Variants in HDAC4 observed in about 807,000 individuals in gnomAD.
HDAC4 encodes histone deacetylase 4.
HDAC4 carries 16 observed loss-of-function variants against 135.1 expected under a neutral mutation model. That is an observed-to-expected ratio of 0.12 (90% CI 0.08 to 0.18). The LOEUF (loss-of-function observed/expected upper bound fraction) is 0.18. Among genes scored for constraint, HDAC4 ranks in the 10% least tolerant of loss-of-function variants. The probability of loss-of-function intolerance (pLI) is 1.00; values close to 1 mark genes in which losing one functional copy is unlikely to be tolerated. For missense variants in HDAC4, 1,143 were observed against 1,511.8 expected (o/e 0.76, Z 4.05); for synonymous variants, 685 against 653.4 (o/e 1.05, Z -0.74).
At chr2:239,358,649 T>C (rs1693671285) in intron 1 of HDAC4, among the ~76,000 whole-genome samples, 1 of 152,234 alleles carries the variant, frequency 6.6e-6, no homozygotes, top group South Asian at 2.1e-4. Flanking sequence ...TACACTTGAA[T>C]AATCATGAGT....
chr2:239,096,208 CTCAGGGAA>C (rs1466063242), intron 16 of HDAC4, among the ~76,000 whole-genome samples: 2 of 152,102 alleles, frequency 1.3e-5, no homozygotes, highest in Non-Finnish European at 2.9e-5. Context: ...GGAACCCTTC[CTCAGGGAA>C]CAGCGTGCCT....
intron 4 of HDAC4, among the ~76,000 whole-genome samples, chr2:239,180,085 C>CT (rs1244778071): frequency 6.6e-6 from 1 of 152,188 alleles, no homozygotes; most frequent in African/African-American, 2.4e-5. Context: ...TCTCCTGCAT[C>CT]TTGCTGGGTC....
intron 14 of HDAC4, among the ~76,000 whole-genome samples, chr2:239,109,223 C>T (rs889730224): frequency 2.0e-5 from 3 of 152,238 alleles, no homozygotes; most frequent in Non-Finnish European, 4.4e-5. Context: ...GGTGAACAGA[C>T]GCCTTCCGCA....
intron 24 of HDAC4, among the ~76,000 whole-genome samples, chr2:239,061,607 G>A (rs1574863839): frequency 6.6e-6 from 1 of 152,198 alleles, no homozygotes; most frequent in East Asian, 1.9e-4. Context: ...GTACAAGAGG[G>A]TGGCCATGTG....
chr2:239,122,963 C>T (rs530998138), intron 12 of HDAC4, among the ~76,000 whole-genome samples: 46 of 152,104 alleles, frequency 3.0e-4, no homozygotes, highest in African/African-American at 1.0e-3. Context: ...GAGGAAGGGC[C>T]GGGACGTCAG....
rs184968755 is a variant in HDAC4 at position 239,051,907 on chromosome 2, A to G, written c.*1190T>C. The G allele has an allele frequency of 2.6e-5, 4 of 151,588 alleles. 1 individual carries two copies. The East Asian group carries it at 7.7e-4, about 29-fold the overall frequency. 9.4% of individuals were successfully genotyped at this position (151,588 alleles called of 1,614,324 possible). A position where few individuals can be genotyped will look rare whatever the true frequency, so the allele number is the denominator to read the frequency against. ...TATAAATATTTTATCAAGATTTCAT[A>G]AGAATCAAGTAAGTTTCTTAGCTTG... On this transcript the variant is annotated 3_prime_UTR_variant, in exon 27 of 27. Coordinates refer to ENST00000543185, the MANE Select transcript of HDAC4 (RefSeq NM_001378414.1).
intron 13 of HDAC4, among the ~76,000 whole-genome samples, chr2:239,112,189 T>C (rs989287373): frequency 6.6e-6 from 1 of 152,148 alleles, no homozygotes; most frequent in African/African-American, 2.4e-5. Flanking sequence ...CACTGGGGGA[T>C]ATGCGAAGGC....
chr2:239,276,658 GACACTGCCTGCTGCCGGA>G (rs1161503844), intron 2 of HDAC4, among the ~76,000 whole-genome samples: 2 of 151,976 alleles, frequency 1.3e-5, no homozygotes, highest in African/African-American at 4.8e-5. Flanking sequence ...CCGCTGCCTG[GACACTGCCTGCTGCCGGA>G]ACACTGCCTG....
chr2:239,242,064 AAAAG>A (rs903017567), intron 2 of HDAC4, among the ~76,000 whole-genome samples: 3 of 150,172 alleles, frequency 2.0e-5, no homozygotes, highest in Non-Finnish European at 4.4e-5. Flanking sequence ...AGAAAAGAGA[AAAAG>A]AAAGAAAGAG....
At position 239,169,990 on chromosome 2, in the gene HDAC4, C is replaced by A. The variant is rs528905636; in HGVS notation, c.491-6067G>T. 3.3e-5 allele frequency among the ~76,000 whole-genome samples: 5 copies of A among 152,314 alleles called. No individual in the cohort carries two copies. The East Asian group carries it at 5.8e-4, about 18-fold the overall frequency. ...AATTAGACCTACAATGGAATATAAA[C>A]CCTCCTCAGAGGCCTTCTACCTTGA... On this transcript the variant is annotated intron_variant, in intron 5 of 26. Coordinates refer to ENST00000543185, the MANE Select transcript of HDAC4 (RefSeq NM_001378414.1).
intron 3 of HDAC4, among the ~76,000 whole-genome samples, chr2:239,211,446 G>A (rs972111841): frequency 1.3e-5 from 2 of 152,136 alleles, no homozygotes; most frequent in African/African-American, 4.8e-5. Context: ...CACACATCTT[G>A]ACTGGGTTTA....
intron 12 of HDAC4, among the ~76,000 whole-genome samples, chr2:239,122,084 A>T (rs901239954): frequency 6.6e-6 from 1 of 152,266 alleles, no homozygotes; most frequent in Non-Finnish European, 1.5e-5. Context: ...TTCACGGCCA[A>T]AACCGAACTG....
At chr2:239,169,807 CT>C (rs955521363) in intron 5 of HDAC4, among the ~76,000 whole-genome samples, 3 of 152,140 alleles carry the variant, frequency 2.0e-5, no homozygotes, top group African/African-American at 7.2e-5. Context: ...AAGCTCTCCC[CT>C]ATGCCGCCCC....
chr2:239,224,257 C>T (rs1190117516), intron 3 of HDAC4, among the ~76,000 whole-genome samples: 1 of 152,216 alleles, frequency 6.6e-6, no homozygotes, highest in Non-Finnish European at 1.5e-5. Context: ...TACATTCCCA[C>T]TCCACCTACC....
intron 8 of HDAC4, among the ~76,000 whole-genome samples, chr2:239,142,783 CCT>C (rs2041482496): frequency 6.6e-6 from 1 of 150,380 alleles, no homozygotes; most frequent in Non-Finnish European, 1.5e-5. Flanking sequence ...TTGATCACGC[CCT>C]GTCACACATG....
chr2:239,126,695 C>G lies in HDAC4; in HGVS notation c.1295-1G>C, dbSNP rs1575122281. On this transcript the variant is annotated splice_acceptor_variant, in intron 11 of 26. Coordinates refer to ENST00000543185, the MANE Select transcript of HDAC4 (RefSeq NM_001378414.1). LOFTEE classifies it high-confidence loss of function. ...GCTCCCAGGCCTGAAAGATACCAGT[C>G]TGAAGATAATTGGAGGAAGAAACAG... 1 of 1,613,426 alleles carries G rather than the reference C, an allele frequency of 6.2e-7. No individual in the cohort carries two copies.
At chr2:239,080,935 TG>T (rs1345500576) in intron 22 of HDAC4, 159 bp downstream of exon 22, 7 of 607,154 alleles carry the variant, frequency 1.2e-5, no homozygotes, top group Non-Finnish European at 1.8e-5. Context: ...ATTCCACGCT[TG>T]GCACTGAAGA....
rs185904591 is a variant in HDAC4 at position 239,397,152 on chromosome 2, C to T, written c.-220+3826G>A. On this transcript the variant is annotated intron_variant, in intron 1 of 26. Coordinates refer to ENST00000543185, the MANE Select transcript of HDAC4 (RefSeq NM_001378414.1). ...CTCTTCTCTAAGAGGCTGTGTTCGC[C>T]CAAGCACCTCGACAAGCTGAACTTC... Among the ~76,000 whole-genome samples the T allele has an allele frequency of 1.9e-3, 289 of 152,334 alleles. 6 individuals are homozygous for T. The highest frequency in any genetic ancestry group is 2.8e-4 in the Non-Finnish European group (19 of 68,038).
At chr2:239,131,183 G>T (rs1256904589) in intron 11 of HDAC4, among the ~76,000 whole-genome samples, 4 of 152,362 alleles carry the variant, frequency 2.6e-5, no homozygotes, top group African/African-American at 9.6e-5. Context: ...GAAAGGGGCT[G>T]ACTGGAGGTA....
Sources: allele counts gnomAD v4.1 joint callset (sites outside exome capture counted in the v4.1 genomes callset), GRCh38; gene constraint gnomAD v4.1.1; transcripts MANE v1.5; gene names NCBI Gene and HGNC (gene_info 2026-07-23, HGNC 2026-07-21).